Variants in ABCD3 observed in about 807,000 individuals in gnomAD.
ABCD3 encodes the protein ATP binding cassette subfamily D member 3.
A neutral mutation model predicts 105.5 loss-of-function variants in ABCD3; 41 were observed. The ratio of observed to expected loss-of-function variants is 0.39; its 90% CI spans 0.30 to 0.50. The LOEUF is 0.50. Ranked by LOEUF, ABCD3 falls within the 20% of genes least tolerant of loss-of-function variation. The pLI is 0.84. For missense variants in ABCD3, 622 were observed against 806.3 expected (o/e 0.77, Z 2.77); for synonymous variants, 258 against 269.0 (o/e 0.96, Z 0.40).
At chr1:94,409,739 T>C in the ABCD3 span, among the ~76,000 whole-genome samples, 1 of 152,172 alleles carries the variant, frequency 6.6e-6, no homozygotes, top group African/African-American at 2.4e-5. Flanking sequence ...GGGTAGCACA[T>C]AGTGGTACAG....
At chr1:94,483,612 C>T (rs1649140196) in intron 10 of ABCD3, among the ~76,000 whole-genome samples, 1 of 152,074 alleles carries the variant, frequency 6.6e-6, no homozygotes, top group Non-Finnish European at 1.5e-5. Context: ...GAAACTGGAT[C>T]CCTTCCTTAC....
chr1:94,478,331 T>A lies in ABCD3; in HGVS notation c.684+16T>A. 1 of 1,575,652 alleles carries A rather than the reference T, an allele frequency of 6.3e-7. No homozygotes were observed. Among genetic ancestry groups the A allele is most frequent in the South Asian group, 1.1e-5 (1 of 89,186 alleles). On this transcript the variant is annotated intron_variant, in intron 8 of 22. Coordinates refer to ENST00000370214, the MANE Select transcript of ABCD3 (RefSeq NM_002858.4). ...TGGAGCTCAGGTGAGTCTGCTTTTATTTCAACTTTTAAATTGATATAATAT... is the reference window on the plus strand; with the variant it reads ...TGGAGCTCAGGTGAGTCTGCTTTTAATTCAACTTTTAAATTGATATAATAT...
At chr1:94,448,983 G>A (rs1401989011) in intron 1 of ABCD3, among the ~76,000 whole-genome samples, 9 of 152,096 alleles carry the variant, frequency 5.9e-5, no homozygotes, top group East Asian at 1.9e-4. Context: ...TGCTATCAGC[G>A]GCTGAACAGC....
upstream of ABCD3, among the ~76,000 whole-genome samples, chr1:94,417,438 C>T (rs1024685190): frequency 6.6e-6 from 1 of 152,210 alleles, no homozygotes. Context: ...CTGAAAACAG[C>T]GATTCACTGT....
intron 1 of ABCD3, among the ~76,000 whole-genome samples, chr1:94,424,805 C>G (rs1473038438): frequency 2.0e-5 from 3 of 152,194 alleles, no homozygotes; most frequent in African/African-American, 7.2e-5. Context: ...ATATATTTTA[C>G]ATATTTATCT....
chr1:94,396,548 C>CA, the ABCD3 span, among the ~76,000 whole-genome samples: 1 of 152,034 alleles, frequency 6.6e-6, no homozygotes, highest in Admixed American at 6.6e-5. Context: ...TCTTTCCTCT[C>CA]GTCTGCCTCT....
chr1:94,398,024 TG>T, the ABCD3 span, among the ~76,000 whole-genome samples: 5 of 152,348 alleles, frequency 3.3e-5, no homozygotes, highest in African/African-American at 1.2e-4. Context: ...AATTTTTCTG[TG>T]AGAGTTTTTT....
At chr1:94,484,181 C>T (rs914525000) in intron 10 of ABCD3, among the ~76,000 whole-genome samples, 1 of 152,308 alleles carries the variant, frequency 6.6e-6, no homozygotes, top group African/African-American at 2.4e-5. Context: ...CACTTTTACA[C>T]TGTTGGTGGG....
chr1:94,478,851 A>G (rs1648894261), intron 8 of ABCD3: 2 of 271,184 alleles, frequency 7.4e-6, no homozygotes, highest in Non-Finnish European at 1.3e-5. Flanking sequence ...AGAATATTTT[A>G]TAATGTAAAT....
At chr1:94,493,127 A>T (rs1040236765) in intron 16 of ABCD3, among the ~76,000 whole-genome samples, 3 of 152,012 alleles carry the variant, frequency 2.0e-5, no homozygotes, top group Admixed American at 2.0e-4. Flanking sequence ...GCTTCTGCAC[A>T]GCAAAAGAAA....
the ABCD3 span, among the ~76,000 whole-genome samples, chr1:94,392,412 A>T: frequency 1.3e-5 from 2 of 152,240 alleles, no homozygotes; most frequent in African/African-American, 4.8e-5. Context: ...CATGAGCAAG[A>T]AATTATGTGT....
intron 1 of ABCD3, 111 bp downstream of exon 1, chr1:94,418,699 G>C (rs1197278430): frequency 1.7e-6 from 2 of 1,152,644 alleles, no homozygotes; most frequent in Non-Finnish European, 2.5e-6. Flanking sequence ...GTCGGGCGGA[G>C]AGAGGGCCGA....
rs535662382 is a variant in ABCD3 at position 94,455,961 on chromosome 1, C to A, written c.111-2646C>A. 2.1e-4 allele frequency among the ~76,000 whole-genome samples: 32 copies of A among 151,940 alleles called. No homozygotes were observed. In the South Asian group the frequency reaches 6.4e-3, roughly 31 times the overall value. ...ATTTTTTTATTTTTATGTTGATATACATATACATTGTGAAATGATTACTAT... is the reference window on the plus strand; with the variant it reads ...ATTTTTTTATTTTTATGTTGATATAAATATACATTGTGAAATGATTACTAT... On this transcript the variant is annotated intron_variant, in intron 1 of 22. Coordinates refer to ENST00000370214, the MANE Select transcript of ABCD3 (RefSeq NM_002858.4).
chr1:94,414,127 G>A (rs944007511), upstream of ABCD3, among the ~76,000 whole-genome samples: 1 of 152,188 alleles, frequency 6.6e-6, no homozygotes, highest in Non-Finnish European at 1.5e-5. Flanking sequence ...ATAGGAGTTA[G>A]AGAGGTAGGC....
intron 1 of ABCD3, among the ~76,000 whole-genome samples, chr1:94,447,826 G>A (rs780210740): frequency 1.3e-5 from 2 of 152,162 alleles, no homozygotes; most frequent in Non-Finnish European, 2.9e-5. Flanking sequence ...GTAGCCATAC[G>A]TAGGGATCAA....
chr1:94,421,757 G>A (rs2100866104), intron 1 of ABCD3, among the ~76,000 whole-genome samples: 1 of 152,264 alleles, frequency 6.6e-6, no homozygotes, highest in African/African-American at 2.4e-5. Context: ...GCTTCATGAA[G>A]GATGTGTGTT....
chr1:94,439,617 C>T (rs980791923), intron 1 of ABCD3, among the ~76,000 whole-genome samples: 4 of 151,894 alleles, frequency 2.6e-5, no homozygotes, highest in Non-Finnish European at 4.4e-5. Flanking sequence ...GGCAACAGAG[C>T]GAGACTCTAT....
At chr1:94,496,881 C>A (rs1219562007) in intron 16 of ABCD3, among the ~76,000 whole-genome samples, 1 of 151,434 alleles carries the variant, frequency 6.6e-6, no homozygotes, top group Non-Finnish European at 1.5e-5. Context: ...AATTCTCATG[C>A]CTCAGCCTCC....
chr1:94,420,695 A>G (rs1659225304), intron 1 of ABCD3, among the ~76,000 whole-genome samples: 1 of 152,178 alleles, frequency 6.6e-6, no homozygotes, highest in African/African-American at 2.4e-5. Context: ...TAGATATTGT[A>G]CTTCCAGAAG....
Sources: allele counts gnomAD v4.1 joint callset (sites outside exome capture counted in the v4.1 genomes callset), GRCh38; gene constraint gnomAD v4.1.1; transcripts MANE v1.5; gene names NCBI Gene and HGNC (gene_info 2026-07-23, HGNC 2026-07-21).